The following VPS13D variants were observed in gnomAD, a reference collection of about 807,000 sequenced individuals.
VPS13D encodes the protein intermembrane lipid transfer protein VPS13D.
Under a neutral mutation model 461.9 loss-of-function variants are expected in VPS13D, and 187 were observed. The observed-to-expected ratio is 0.40, with a 90% CI of 0.36 to 0.46. The LOEUF (loss-of-function observed/expected upper bound fraction) is 0.46, where lower values mean the gene tolerates loss of function less well. VPS13D is among the 20% of genes least tolerant of loss of function. The pLI is 0.60. For synonymous variants in VPS13D, 1,951 were observed against 1,986.3 expected (o/e 0.98, Z 0.47); for missense variants, 4,711 against 5,364.9 (o/e 0.88, Z 3.81).
At chr1:12,345,284 A>G in intron 42 of VPS13D, 90 bp from the exon 43 acceptor site, 1 of 1,447,724 alleles carries the variant, frequency 6.9e-7, no homozygotes, top group Non-Finnish European at 9.3e-7. Flanking sequence ...TTTACATCAT[A>G]TGTACTAAAT....
chr1:12,339,051 A>C (rs1643510472), intron 40 of VPS13D, among the ~76,000 whole-genome samples: 1 of 152,038 alleles, frequency 6.6e-6, no homozygotes, highest in African/African-American at 2.4e-5. Flanking sequence ...AACTCCCTCT[A>C]CCAGGAATAT....
At chr1:12,340,288 C>A (rs976203743) in intron 40 of VPS13D, among the ~76,000 whole-genome samples, 1 of 152,078 alleles carries the variant, frequency 6.6e-6, no homozygotes, top group African/African-American at 2.4e-5. Context: ...TGGGGTATCT[C>A]TAAATGACTG....
Position 12,460,148 on chromosome 1 carries a change from T to C in VPS13D, c.12467-53T>C, listed in dbSNP as rs191768837. On this transcript the variant is annotated intron_variant, in intron 66 of 69. Transcript: ENST00000620676. ...CATAATCAAGGGGTTTGGCTTTAAA[T>C]GCTTTTGCTTTTGTCCTCGTCAGGT... is the stretch of plus-strand genomic sequence containing the variant. The C allele has an allele frequency of 4.0e-5, 58 of 1,466,722 alleles. No homozygotes were observed. The East Asian group carries it at 1.4e-3, about 34-fold the overall frequency. 90.9% of individuals were successfully genotyped at this position (1,466,722 alleles called of 1,614,324 possible).
chr1:12,343,785 G>C (rs536560085), intron 42 of VPS13D, among the ~76,000 whole-genome samples: 1 of 152,216 alleles, frequency 6.6e-6, no homozygotes, highest in Admixed American at 6.5e-5. Flanking sequence ...ACAGAATTTG[G>C]TGGAAACATA....
At chr1:12,332,840 G>A (rs1643364361) in intron 37 of VPS13D, among the ~76,000 whole-genome samples, 1 of 152,204 alleles carries the variant, frequency 6.6e-6, no homozygotes. Flanking sequence ...CTGTAACCAG[G>A]AGAATCAAAT....
intron 16 of VPS13D, among the ~76,000 whole-genome samples, chr1:12,269,952 G>A (rs1296988538): frequency 6.6e-6 from 1 of 152,042 alleles, no homozygotes; most frequent in Non-Finnish European, 1.5e-5. Context: ...TTTGAGACTA[G>A]CCTGGGCAAC....
At chr1:12,434,248 C>T (rs1363206372) in intron 65 of VPS13D, among the ~76,000 whole-genome samples, 13 of 151,996 alleles carry the variant, frequency 8.6e-5, no homozygotes. Context: ...TTGAATTTTG[C>T]CCTTTTCTCT....
At chr1:12,273,242 G>A in intron 18 of VPS13D, 107 bp downstream of exon 18, 1 of 1,378,918 alleles carries the variant, frequency 7.3e-7, no homozygotes, top group Non-Finnish European at 9.7e-7. Flanking sequence ...ATTTTTATAT[G>A]TAACATTTTT....
rs777835351 is a variant in VPS13D at position 12,508,921 on chromosome 1, T to G, written c.13064T>G (p.Val4355Gly). 1 of 1,614,182 alleles carries G rather than the reference T, an allele frequency of 6.2e-7. No individual in the cohort carries two copies. Among genetic ancestry groups the G allele is most frequent in the South Asian group, 1.1e-5 (1 of 91,058 alleles). The change falls in exon 70 of 70, where the codon GTC becomes GGC. Residue 4355 changes from valine (V) to glycine (G), a missense_variant. Physicochemically the swap from Val to Gly is moderately radical, Grantham distance 109. Coordinates refer to ENST00000620676, the MANE Select transcript of VPS13D (RefSeq NM_015378.4). Reference sequence around the variant, plus strand: ...CATGTGAAATCTGAGGTCCTTGCTGTCAAGTTGTCACAAGAAATAAACTAC... The same window carrying G: ...CATGTGAAATCTGAGGTCCTTGCTGGCAAGTTGTCACAAGAAATAAACTAC... ...MVHVKSEVLA[V>G]KLSQEINYAK...
In VPS13D at chr1:12,401,603, T is replaced by A. The variant is rs756492348; in HGVS notation, c.11785-5T>A. The stretch of plus-strand genomic sequence containing the variant: ...CACTTTAAATCAGAATTTCTTTATC[T>A]CTAGCATCTGATGATCACAGCTCAG... On this transcript the variant is annotated splice_region_variant and splice_polypyrimidine_tract_variant and intron_variant, in intron 61 of 69. Transcript: ENST00000620676. 1 of 1,605,924 alleles carries A rather than the reference T, an allele frequency of 6.2e-7. No individual in the cohort carries two copies. The highest frequency in any genetic ancestry group is 8.5e-7 in the Non-Finnish European group (1 of 1,173,252).
At chr1:12,484,636 A>T (rs1176358253) in intron 67 of VPS13D, among the ~76,000 whole-genome samples, 2 of 152,214 alleles carry the variant, frequency 1.3e-5, no homozygotes, top group African/African-American at 4.8e-5. Context: ...TCCAGTACAC[A>T]TTCAGCACTC....
At chr1:12,257,227 C>T (rs187918324) in intron 9 of VPS13D, 140 bp downstream of exon 9, 339 of 689,734 alleles carry the variant, frequency 4.9e-4, no homozygotes, top group Admixed American at 1.7e-3. Flanking sequence ...CTTGGAATGC[C>T]ATTCCCATTG....
intron 6 of VPS13D, among the ~76,000 whole-genome samples, chr1:12,251,608 T>C (rs1012629872): frequency 7.2e-5 from 11 of 152,180 alleles, no homozygotes; most frequent in Admixed American, 6.5e-4. Flanking sequence ...GTTTCTAAGA[T>C]GTAACTTGAT....
chr1:12,268,293 G>C (rs78277371), intron 15 of VPS13D, among the ~76,000 whole-genome samples: 4,410 of 148,466 alleles, frequency 0.03, 183 homozygotes, highest in East Asian at 0.13. Context: ...ATTCTTTTTG[G>C]GGGACTTTCC....
chr1:12,403,163 C>T (rs1644601706), intron 62 of VPS13D, among the ~76,000 whole-genome samples: 1 of 152,262 alleles, frequency 6.6e-6, no homozygotes, highest in Admixed American at 6.5e-5. Context: ...GCAAAATATG[C>T]TGCCCAGTTG....
At chr1:12,332,538 G>T (rs1018094505) in intron 37 of VPS13D, among the ~76,000 whole-genome samples, 2 of 152,092 alleles carry the variant, frequency 1.3e-5, no homozygotes, top group African/African-American at 4.8e-5. Flanking sequence ...TCTTAAGAAA[G>T]GTATATATGC....
At chr1:12,423,169 C>T (rs1279528385) in intron 65 of VPS13D, among the ~76,000 whole-genome samples, 3 of 152,156 alleles carry the variant, frequency 2.0e-5, no homozygotes, top group African/African-American at 7.2e-5. Context: ...TCAGAATTAC[C>T]TGGTCAGTAG....
chr1:12,265,611 CA>C (rs1641244574), intron 13 of VPS13D, among the ~76,000 whole-genome samples: 1 of 152,132 alleles, frequency 6.6e-6, no homozygotes, highest in African/African-American at 2.4e-5. Context: ...TCAGCATTAA[CA>C]GGAGTTTGGA....
chr1:12,277,713 A>T lies in VPS13D; in HGVS notation c.4125A>T (p.Leu1375=), dbSNP rs1446391550. The stretch of plus-strand genomic sequence containing the variant: ...CGTCTCATTTGGACACTGTAAAGCT[A>T]ATCTTGAACATAAACATTGAATCAC... ...LASSHLDTVK[L]ILNINIESPV... is the part of the protein sequence containing the mutation. Residue 1375 remains leucine, a synonymous_variant, in exon 19 of 70, where the codon CTA becomes CTT. Coordinates refer to ENST00000620676, the MANE Select transcript of VPS13D (RefSeq NM_015378.4). 6.2e-7 allele frequency: 1 copy of T among 1,614,204 alleles called. No individual in the cohort carries two copies. The highest frequency in any genetic ancestry group is 1.7e-5 in the Admixed American group (1 of 60,028).
Sources: gnomAD v4.1 joint callset for allele counts (sites outside exome capture counted in the v4.1 genomes callset) on GRCh38, gnomAD v4.1.1 for gene constraint, MANE v1.5 for transcripts, NCBI Gene and HGNC (gene_info 2026-07-23, HGNC 2026-07-21) for gene names.